Variants in MICAL2 observed in about 807,000 individuals in gnomAD.
MICAL2 encodes the protein [F-actin]-monooxygenase MICAL2.
Under a neutral mutation model 127.3 loss-of-function variants are expected in MICAL2, and 77 were observed. The observed-to-expected ratio is 0.60, with a 90% CI of 0.50 to 0.73. The LOEUF (loss-of-function observed/expected upper bound fraction) is 0.73. Among genes scored for constraint, MICAL2 ranks in the 30% least tolerant of loss-of-function variants. MICAL2 has a pLI of 0.00. For missense variants in MICAL2, 1,351 were observed against 1,434.4 expected, an observed-to-expected ratio of 0.94 and a Z score of 0.94; for synonymous variants, 570 against 551.1, an observed-to-expected ratio of 1.03 and a Z score of -0.48.
In MICAL2 at chr11:12,249,149, A is replaced by G. The variant is rs2134565323; in HGVS notation, c.2785-35A>G. 4.3e-6 allele frequency: 7 copies of G among 1,611,266 alleles called. No individual in the cohort carries two copies. In the East Asian group the frequency reaches 1.3e-4, roughly 31 times the overall value. On this transcript the variant is annotated intron_variant, in intron 21 of 27. Coordinates refer to ENST00000683283, the MANE Select transcript of MICAL2 (RefSeq NM_001282663.2). ...GAGAATTCGGAAAGAAAGCTTATTT[A>G]CCTAAAATGCATGTTGATCCCTCTC... is the stretch of plus-strand genomic sequence containing the variant.
At chr11:12,341,446 A>G (rs529035933) in intron 32 of MICAL2, among the ~76,000 whole-genome samples, 5 of 119,780 alleles carry the variant, frequency 4.2e-5, no homozygotes, top group African/African-American at 1.5e-4. Context: ...ATTACCTACA[A>G]AAAAAAAGGT....
chr11:12,348,262 C>T (rs1354302229), intron 32 of MICAL2, among the ~76,000 whole-genome samples: 1 of 151,344 alleles, frequency 6.6e-6, no homozygotes, highest in East Asian at 1.9e-4. Context: ...ACAATGCCTA[C>T]AAATTACTTC....
intron 3 of MICAL2, among the ~76,000 whole-genome samples, chr11:12,165,338 CAG>C (rs564493182): frequency 5.8e-4 from 89 of 152,238 alleles, no homozygotes; most frequent in Admixed American, 1.0e-3. Context: ...AAACACAGAA[CAG>C]GGGTCCTCAC....
downstream of MICAL2, among the ~76,000 whole-genome samples, chr11:12,360,386 A>G (rs988203186): frequency 6.6e-6 from 1 of 152,210 alleles, no homozygotes; most frequent in African/African-American, 2.4e-5. Context: ...TGTTTGGGGC[A>G]GTGAGTTGTA....
intron 2 of MICAL2, among the ~76,000 whole-genome samples, chr11:12,144,490 A>T (rs1250825558): frequency 6.6e-6 from 1 of 152,134 alleles, no homozygotes; most frequent in Non-Finnish European, 1.5e-5. Context: ...CCTATGACCC[A>T]GCCTCTCTGA....
At chr11:12,167,054 C>T (rs1167186119) in intron 3 of MICAL2, among the ~76,000 whole-genome samples, 1 of 152,040 alleles carries the variant, frequency 6.6e-6, no homozygotes, top group African/African-American at 2.4e-5. Context: ...CAGAGGGTCT[C>T]GTACTCAAAC....
intron 29 of MICAL2, among the ~76,000 whole-genome samples, chr11:12,307,577 G>C (rs1012561502): frequency 6.6e-6 from 1 of 152,138 alleles, no homozygotes; most frequent in Non-Finnish European, 1.5e-5. Context: ...CCTTTAATCT[G>C]ATTCTAGATA....
At chr11:12,292,340 C>G (rs1874043), downstream of MICAL2, 1,486,102 of 1,608,898 alleles carry the variant, frequency 0.92, 686,730 homozygotes, top group East Asian at 0.95. Flanking sequence ...AGGAAGCTAA[C>G]CTACCTGTAC....
At chr11:12,188,593 A>G (rs1018643865) in intron 3 of MICAL2, among the ~76,000 whole-genome samples, 4 of 152,200 alleles carry the variant, frequency 2.6e-5, no homozygotes, top group African/African-American at 4.8e-5. Flanking sequence ...TCTATTGTAT[A>G]GCACTGTTTT....
Position 12,209,652 on chromosome 11 carries a change from A to T in MICAL2, c.691+54A>T, listed in dbSNP as rs1855188858. ...TGGGGGGATGGGAATGGGAGAGGGT[A>T]CATTGGGGAAGAGTTGGAGAAAGTG... On this transcript the variant is annotated intron_variant, in intron 6 of 27. Coordinates refer to ENST00000683283, the MANE Select transcript of MICAL2 (RefSeq NM_001282663.2). The T allele has an allele frequency of 2.0e-6, 3 of 1,480,452 alleles. 1 individual carries two copies. In the South Asian group the frequency reaches 3.4e-5, roughly 17 times the overall value. The allele number at this position is 1,480,452 out of a possible 1,614,324, so 91.7% of individuals were successfully genotyped here. A position where few individuals can be genotyped will look rare whatever the true frequency, so the allele number is the denominator to read the frequency against.
At chr11:12,299,802 C>T (rs937233492) in intron 29 of MICAL2, among the ~76,000 whole-genome samples, 5 of 152,224 alleles carry the variant, frequency 3.3e-5, no homozygotes, top group African/African-American at 1.2e-4. Flanking sequence ...ACCCAGAAGA[C>T]TCCCTCATGC....
At chr11:12,358,600 C>A, downstream of MICAL2, 2 of 942,116 alleles carry the variant, frequency 2.1e-6, no homozygotes, top group East Asian at 2.5e-5. Context: ...TACCTTACTG[C>A]ATTTTTTAAA....
intron 17 of MICAL2, among the ~76,000 whole-genome samples, chr11:12,239,898 A>G (rs569350364): frequency 3.8e-4 from 58 of 152,386 alleles, no homozygotes; most frequent in African/African-American, 1.4e-3. Flanking sequence ...CAGGCCAGGT[A>G]TGGCCCATGG....
intron 15 of MICAL2, among the ~76,000 whole-genome samples, chr11:12,233,066 G>A (rs1351814885): frequency 1.3e-5 from 2 of 152,174 alleles, no homozygotes; most frequent in African/African-American, 4.8e-5. Context: ...AGCATATCTA[G>A]GGTTTGGCAG....
At chr11:12,228,692 A>T (rs1175747699) in intron 15 of MICAL2, among the ~76,000 whole-genome samples, 1 of 152,130 alleles carries the variant, frequency 6.6e-6, no homozygotes, top group Admixed American at 6.6e-5. Context: ...AAGCCCACGG[A>T]GGAGAGCGCT....
downstream of MICAL2, among the ~76,000 whole-genome samples, chr11:12,266,336 C>T (rs1184756621): frequency 6.6e-5 from 10 of 152,128 alleles, no homozygotes. Context: ...AGGAAATAAT[C>T]CAGCAGAAGA....
chr11:12,309,897 T>G (rs1374824863), intron 29 of MICAL2, among the ~76,000 whole-genome samples: 1 of 152,194 alleles, frequency 6.6e-6, no homozygotes, highest in African/African-American at 2.4e-5. Context: ...GATATCTCAT[T>G]GTGGTTCGGA....
intron 30 of MICAL2, among the ~76,000 whole-genome samples, chr11:12,322,305 T>G (rs1284996904): frequency 6.6e-6 from 1 of 152,128 alleles, no homozygotes; most frequent in Admixed American, 6.6e-5. Context: ...CCACCACCTC[T>G]TCCCTAGAGC....
At chr11:12,333,825 C>T (rs1030031491) in intron 32 of MICAL2, among the ~76,000 whole-genome samples, 6 of 152,178 alleles carry the variant, frequency 3.9e-5, no homozygotes, top group Middle Eastern at 3.4e-3. Context: ...AAAACATGTA[C>T]TATCTTATGG....
Sources: allele counts gnomAD v4.1 joint callset (sites outside exome capture counted in the v4.1 genomes callset), GRCh38; gene constraint gnomAD v4.1.1; transcripts MANE v1.5; gene names NCBI Gene and HGNC (gene_info 2026-07-23, HGNC 2026-07-21).